HHAT: variants seen among roughly 807,000 people sequenced by gnomAD.
HHAT encodes hedgehog acyltransferase, also known as protein-cysteine N-palmitoyltransferase HHAT.
A neutral mutation model predicts 70.8 loss-of-function variants in HHAT; 47 were observed. The observed-to-expected ratio is 0.66, with a 90% CI of 0.53 to 0.85. The LOEUF is 0.85. Ranked by LOEUF, HHAT falls within the 40% of genes least tolerant of loss-of-function variation. The pLI is 0.00. For missense variants in HHAT, 609 were observed against 604.8 expected (o/e 1.01, Z -0.07); for synonymous variants, 228 against 247.6 (o/e 0.92, Z 0.74).
At chr1:210,539,186 G>T (rs2095404480) in intron 9 of HHAT, among the ~76,000 whole-genome samples, 2 of 152,156 alleles carry the variant, frequency 1.3e-5, no homozygotes, top group African/African-American at 4.8e-5. Flanking sequence ...AGAGACAAGG[G>T]TTACTTAGGA....
intron 10 of HHAT, among the ~76,000 whole-genome samples, chr1:210,606,501 A>G (rs1665471129): frequency 1.4e-5 from 2 of 139,634 alleles, no homozygotes; most frequent in Non-Finnish European, 3.2e-5. Flanking sequence ...TCATCTGTCT[A>G]TTCTCTTCCT....
intron 8 of HHAT, among the ~76,000 whole-genome samples, chr1:210,478,469 C>T (rs1036445464): frequency 5.4e-5 from 8 of 149,380 alleles, no homozygotes; most frequent in African/African-American, 1.5e-4. Context: ...TGGCTGTGGT[C>T]CTTGGCTATT....
intron 8 of HHAT, among the ~76,000 whole-genome samples, chr1:210,508,197 T>TAAAA (rs2094894881): frequency 9.8e-5 from 2 of 20,506 alleles, no homozygotes. Context: ...AGACTCCTTC[T>TAAAA]CAAAAAAAAA....
chr1:210,617,118 G>A (rs554246843), intron 10 of HHAT, among the ~76,000 whole-genome samples: 1 of 152,236 alleles, frequency 6.6e-6, no homozygotes, highest in Non-Finnish European at 1.5e-5. Flanking sequence ...TTGCTCTCCT[G>A]AGCTGACATT....
intron 9 of HHAT, among the ~76,000 whole-genome samples, chr1:210,534,407 T>G (rs2095348517): frequency 1.3e-5 from 2 of 152,170 alleles, no homozygotes; most frequent in African/African-American, 4.8e-5. Context: ...TTGTTACATT[T>G]TGTTTATTTC....
chr1:210,387,671 A>T (rs1052520598), intron 4 of HHAT, 90 bp downstream of exon 4: 17 of 926,628 alleles, frequency 1.8e-5, no homozygotes, highest in Non-Finnish European at 2.9e-5. Flanking sequence ...GAAGACTTGG[A>T]TATTAGCACT....
At chr1:210,483,283 G>A (rs1314752858) in intron 8 of HHAT, among the ~76,000 whole-genome samples, 1 of 152,156 alleles carries the variant, frequency 6.6e-6, no homozygotes, top group Non-Finnish European at 1.5e-5. Context: ...GTAGTGATTT[G>A]CAAGACAAGC....
chr1:210,554,854 T>C (rs2095558257), intron 9 of HHAT, among the ~76,000 whole-genome samples: 1 of 152,100 alleles, frequency 6.6e-6, no homozygotes, highest in South Asian at 2.1e-4. Flanking sequence ...TTGGCAAGGC[T>C]GGAATACACA....
chr1:210,511,805 T>TG (rs1240958962), intron 8 of HHAT, among the ~76,000 whole-genome samples: 3 of 134,922 alleles, frequency 2.2e-5, no homozygotes, highest in East Asian at 4.3e-4. Context: ...TTTTTTTTTT[T>TG]TTGAGATGGA....
chr1:210,443,210 G>C (rs2093562775), intron 7 of HHAT, among the ~76,000 whole-genome samples: 1 of 150,644 alleles, frequency 6.6e-6, no homozygotes, highest in Non-Finnish European at 1.5e-5. Context: ...CTATATCTCT[G>C]TTTTGGTACC....
At chr1:210,642,634 T>C (rs1291542855) in intron 11 of HHAT, among the ~76,000 whole-genome samples, 1 of 152,222 alleles carries the variant, frequency 6.6e-6, no homozygotes, top group Non-Finnish European at 1.5e-5. Context: ...TTATTAGCCA[T>C]CTGTATACTC....
intron 9 of HHAT, among the ~76,000 whole-genome samples, chr1:210,531,446 C>T (rs2148634661): frequency 1.3e-5 from 2 of 152,264 alleles, no homozygotes; most frequent in East Asian, 3.9e-4. Flanking sequence ...AAGAGGAACC[C>T]AGGCAGAGGA....
intron 9 of HHAT, among the ~76,000 whole-genome samples, chr1:210,547,772 C>T (rs2095496257): frequency 6.6e-6 from 1 of 152,088 alleles, no homozygotes; most frequent in South Asian, 2.1e-4. Flanking sequence ...TACATTTGAC[C>T]AAGTCCTCCT....
At chr1:210,520,608 C>CTT (rs928744534) in intron 9 of HHAT, among the ~76,000 whole-genome samples, 1 of 152,140 alleles carries the variant, frequency 6.6e-6, no homozygotes, top group African/African-American at 2.4e-5. Context: ...AACAACTTAA[C>CTT]TTTGGGCATA....
chr1:210,474,333 G>C (rs955036554), intron 8 of HHAT, among the ~76,000 whole-genome samples: 1 of 152,074 alleles, frequency 6.6e-6, no homozygotes, highest in Non-Finnish European at 1.5e-5. Context: ...CTCTGTTGCC[G>C]AGGCTAGATT....
At chr1:210,343,773 T>C (rs1056472149) in intron 1 of HHAT, among the ~76,000 whole-genome samples, 1 of 152,090 alleles carries the variant, frequency 6.6e-6, no homozygotes, top group Admixed American at 6.5e-5. Context: ...GATGCCAACT[T>C]CCTGAAAGAG....
At chr1:210,595,126 C>T (rs1241635674) in intron 10 of HHAT, among the ~76,000 whole-genome samples, 3 of 152,104 alleles carry the variant, frequency 2.0e-5, no homozygotes, top group South Asian at 2.1e-4. Context: ...TCCCCCCACC[C>T]CACAACAGGC....
intron 9 of HHAT, among the ~76,000 whole-genome samples, chr1:210,518,053 A>G (rs1228458086): frequency 6.6e-6 from 1 of 152,230 alleles, no homozygotes; most frequent in Non-Finnish European, 1.5e-5. Context: ...CAGGTTAGTT[A>G]GCATATTGGT....
At chr1:210,505,453 A>G (rs541007735) in intron 8 of HHAT, among the ~76,000 whole-genome samples, 29 of 152,282 alleles carry the variant, frequency 1.9e-4, no homozygotes, top group East Asian at 1.2e-3. Context: ...TTGTATTTCA[A>G]TTATTTCATA....
Sources: gnomAD v4.1 joint callset for allele counts (sites outside exome capture counted in the v4.1 genomes callset) on GRCh38, gnomAD v4.1.1 for gene constraint, MANE v1.5 for transcripts, NCBI Gene and HGNC (gene_info 2026-07-23, HGNC 2026-07-21) for gene names.